Variants in GALNT2 observed in about 807,000 individuals in gnomAD.
GALNT2 encodes UDP-GalNAc:polypeptide N-acetylgalactosaminyltransferase 2.
Under a neutral mutation model 81.4 loss-of-function variants are expected in GALNT2, and 31 were observed. That is an observed-to-expected ratio of 0.38 (90% CI 0.29 to 0.51). The LOEUF is 0.51. Ranked by LOEUF, GALNT2 falls within the 20% of genes least tolerant of loss-of-function variation. The pLI is 0.87. For missense variants in GALNT2, 629 were observed against 765.7 expected, an observed-to-expected ratio of 0.82 and a Z score of 2.11; for synonymous variants, 303 against 287.4, an observed-to-expected ratio of 1.05 and a Z score of -0.55.
chr1:230,265,210 T>C (rs765407787), intron 13 of GALNT2, 31 bp from the exon 14 acceptor site: 20 of 1,613,924 alleles, frequency 1.2e-5, no homozygotes, highest in Non-Finnish European at 1.7e-5. Context: ...TCATGTGCAG[T>C]GAAGCAGGTG....
upstream of GALNT2, among the ~76,000 whole-genome samples, chr1:230,064,159 C>T (rs1659111057): frequency 6.6e-6 from 1 of 152,160 alleles, no homozygotes; most frequent in African/African-American, 2.4e-5. Flanking sequence ...AACATCTGGT[C>T]TGTCTGTTTT....
In GALNT2 at chr1:230,081,878, G is replaced by A. The variant is rs573563286; in HGVS notation, c.126+14472G>A. On this transcript the variant is annotated intron_variant, in intron 1 of 15. Coordinates refer to ENST00000366672, the MANE Select transcript of GALNT2 (RefSeq NM_004481.5). ...GTTCAGATCCTGCTGTTACTACGGA[G>A]TAGCTGTGGGACATTGGCTTGCGTT... Among the ~76,000 whole-genome samples the A allele has an allele frequency of 5.9e-5, 9 of 152,358 alleles. No individual in the cohort carries two copies. The East Asian group carries it at 1.3e-3, about 23-fold the overall frequency.
chr1:230,138,971 G>A (rs975434415), intron 1 of GALNT2, among the ~76,000 whole-genome samples: 1 of 152,064 alleles, frequency 6.6e-6, no homozygotes, highest in African/African-American at 2.4e-5. Flanking sequence ...GACTGAGAAC[G>A]CCTAACCTCC....
chr1:230,269,110 C>T (rs544926132), intron 14 of GALNT2, among the ~76,000 whole-genome samples: 46 of 152,228 alleles, frequency 3.0e-4, no homozygotes, highest in Non-Finnish European at 5.3e-4. Context: ...CCTCCAATGG[C>T]CACATCCTGG....
At chr1:230,265,149 C>A in intron 13 of GALNT2, 92 bp from the exon 14 acceptor site, 1 of 1,552,484 alleles carries the variant, frequency 6.4e-7, no homozygotes, top group Non-Finnish European at 8.9e-7. Context: ...TCGTTCCTGT[C>A]ACCTGTCATG....
At chr1:230,078,135 G>C (rs191543346) in intron 1 of GALNT2, among the ~76,000 whole-genome samples, 1 of 152,184 alleles carries the variant, frequency 6.6e-6, no homozygotes, top group Non-Finnish European at 1.5e-5. Flanking sequence ...TCTTTTTCTC[G>C]TGTGTCACAT....
chr1:230,145,829 A>G (rs1186585926), intron 1 of GALNT2, among the ~76,000 whole-genome samples: 2 of 152,196 alleles, frequency 1.3e-5, no homozygotes, highest in East Asian at 3.9e-4. Flanking sequence ...GTAATTACTT[A>G]ATTGTAAAGA....
chr1:230,180,952 C>T (rs1033462007), intron 2 of GALNT2, among the ~76,000 whole-genome samples: 21 of 152,188 alleles, frequency 1.4e-4, no homozygotes, highest in African/African-American at 5.1e-4. Flanking sequence ...TGTATATTGA[C>T]CTCACATCTT....
At chr1:230,131,091 A>C (rs913868002) in intron 1 of GALNT2, among the ~76,000 whole-genome samples, 1 of 152,228 alleles carries the variant, frequency 6.6e-6, no homozygotes, top group Non-Finnish European at 1.5e-5. Context: ...GATAGCTTAA[A>C]ACAGTATCTA....
chr1:230,121,556 T>C (rs1661015761), intron 1 of GALNT2, among the ~76,000 whole-genome samples: 1 of 152,246 alleles, frequency 6.6e-6, no homozygotes, highest in South Asian at 2.1e-4. Context: ...TCCAGAATAC[T>C]CAAGGCAAGG....
At chr1:230,249,121 G>A in intron 8 of GALNT2, 63 bp from the exon 9 acceptor site, 2 of 1,396,956 alleles carry the variant, frequency 1.4e-6, no homozygotes, top group Non-Finnish European at 2.0e-6. Flanking sequence ...TGTGAGGAAT[G>A]GGGGTGTCGG....
At chr1:230,103,888 GCTGCTCCTAC>G (rs1660468255) in intron 1 of GALNT2, among the ~76,000 whole-genome samples, 1 of 152,138 alleles carries the variant, frequency 6.6e-6, no homozygotes, top group African/African-American at 2.4e-5. Context: ...CTCCGTGAGA[GCTGCTCCTAC>G]CTGACCTTCC....
chr1:230,197,832 C>T (rs1663748694), intron 2 of GALNT2, among the ~76,000 whole-genome samples: 1 of 152,112 alleles, frequency 6.6e-6, no homozygotes, highest in African/African-American at 2.4e-5. Flanking sequence ...GAATCCTTAT[C>T]AGTGACACAG....
At chr1:230,106,407 TC>T (rs1660547474) in intron 1 of GALNT2, among the ~76,000 whole-genome samples, 1 of 152,204 alleles carries the variant, frequency 6.6e-6, no homozygotes, top group African/African-American at 2.4e-5. Context: ...GGCTCTGAGT[TC>T]CGGCAGTGTG....
chr1:230,268,896 G>A (rs1364244793), intron 14 of GALNT2, among the ~76,000 whole-genome samples: 1 of 152,234 alleles, frequency 6.6e-6, no homozygotes, highest in Non-Finnish European at 1.5e-5. Context: ...TTGACACAGA[G>A]CGCCCATTCC....
chr1:230,121,790 GGGGACATT>G (rs929617847), intron 1 of GALNT2, among the ~76,000 whole-genome samples: 8 of 152,078 alleles, frequency 5.3e-5, no homozygotes, highest in African/African-American at 1.7e-4. Flanking sequence ...ATCCCAAAAA[GGGGACATT>G]GGGACATTGG....
chr1:230,160,441 G>C (rs189178908), intron 1 of GALNT2, among the ~76,000 whole-genome samples: 1 of 152,132 alleles, frequency 6.6e-6, no homozygotes, highest in South Asian at 2.1e-4. Flanking sequence ...CTTCTTCCTA[G>C]CAGAAGACTC....
intron 3 of GALNT2, among the ~76,000 whole-genome samples, chr1:230,231,978 G>A (rs1347354995): frequency 1.3e-5 from 2 of 152,194 alleles, no homozygotes; most frequent in Non-Finnish European, 2.9e-5. Context: ...GATTCCCAAA[G>A]AAAGCTCAAG....
chr1:230,257,187 C>A lies in GALNT2; in HGVS notation c.1136+1843C>A, dbSNP rs1042741396. The stretch of plus-strand genomic sequence containing the variant: ...TTGATTCTGAAGGAAAACACTGGGG[C>A]TTTTCAGCAGTGCCTGATGTCTGTT... On this transcript the variant is annotated intron_variant, in intron 11 of 15. Coordinates refer to ENST00000366672, the MANE Select transcript of GALNT2 (RefSeq NM_004481.5). This position sits in a 1 kb window ranked among gnomAD's most constrained non-coding sequence, Gnocchi z 4.6. Among the ~76,000 whole-genome samples the A allele has an allele frequency of 6.6e-6, 1 of 152,222 alleles. No homozygotes were observed. Among genetic ancestry groups the A allele is most frequent in the African/African-American group, 2.4e-5 (1 of 41,450 alleles).
Sources: gnomAD v4.1 joint callset for allele counts (sites outside exome capture counted in the v4.1 genomes callset) on GRCh38, gnomAD v4.1.1 for gene constraint, Gnocchi (gnomAD v3.1) non-coding constraint, MANE v1.5 for transcripts, NCBI Gene and HGNC (gene_info 2026-07-23, HGNC 2026-07-21) for gene names.